The following DMD variants were observed in gnomAD, a reference collection of about 807,000 sequenced individuals.
The protein encoded by DMD is dystrophin, also known as mutant dystrophin.
In DMD, 63 loss-of-function variants were observed where a neutral mutation model predicts 330.1. The ratio of observed to expected loss-of-function variants is 0.19; its 90% CI spans 0.16 to 0.24. The LOEUF is 0.24. Among genes scored for constraint, DMD ranks in the 10% least tolerant of loss-of-function variants. The pLI, the probability that DMD is intolerant of heterozygous loss-of-function variation, is 1.00. For missense variants in DMD, 3,344 were observed against 2,684.1 expected (o/e 1.25, Z -5.43); for synonymous variants, 1,223 against 959.8 (o/e 1.27, Z -5.07).
chrX:32,018,406 C>G (rs539437166), intron 44 of DMD, among the ~76,000 whole-genome samples: 2 of 111,256 alleles, frequency 1.8e-5, no homozygotes, highest in African/African-American at 6.5e-5. Context: ...ATATACCACC[C>G]GTGTTCTTTG....
At chrX:32,682,800 T>C (rs780760142) in intron 9 of DMD, among the ~76,000 whole-genome samples, 10 of 112,002 alleles carry the variant, frequency 8.9e-5, no homozygotes, top group Non-Finnish European at 1.7e-4. Flanking sequence ...TAACTAGTTG[T>C]GCTCGTGAGT....
At chrX:32,037,532 C>G (rs1234468843) in intron 44 of DMD, among the ~76,000 whole-genome samples, 3 of 111,452 alleles carry the variant, frequency 2.7e-5, no homozygotes, top group African/African-American at 9.8e-5. Context: ...CAATAATTTT[C>G]AGTTATAGCC....
intron 7 of DMD, among the ~76,000 whole-genome samples, chrX:32,716,344 C>T (rs997536438): frequency 7.3e-5 from 8 of 110,322 alleles, no homozygotes; most frequent in East Asian, 5.8e-4. Flanking sequence ...GTGTGTAGTA[C>T]TGCCCCCTGC....
intron 55 of DMD, among the ~76,000 whole-genome samples, chrX:31,565,235 A>T (rs1215204089): frequency 1.8e-5 from 2 of 111,405 alleles, no homozygotes; most frequent in Non-Finnish European, 3.8e-5. Flanking sequence ...AACAGTTCCA[A>T]CACTACAAGG....
chrX:31,838,128 T>A (rs1382579597), intron 48 of DMD, among the ~76,000 whole-genome samples: 1 of 111,836 alleles, frequency 8.9e-6, no homozygotes, highest in Non-Finnish European at 1.9e-5. Flanking sequence ...ATAGCTCTGA[T>A]CTCAGATGAG....
At chrX:32,731,851 G>A (rs144046785) in intron 7 of DMD, among the ~76,000 whole-genome samples, 1 of 112,017 alleles carries the variant, frequency 8.9e-6, no homozygotes, top group Admixed American at 9.5e-5. Context: ...AAAAAGCAGA[G>A]CACCTCTCCT....
chrX:32,546,571 G>A (rs987970822), intron 16 of DMD, among the ~76,000 whole-genome samples: 1 of 111,427 alleles, frequency 9.0e-6, no homozygotes, highest in African/African-American at 3.3e-5. Flanking sequence ...TTTCCATGAT[G>A]TCTTAAGTAA....
intron 1 of DMD, among the ~76,000 whole-genome samples, chrX:33,082,343 C>G (rs1023999583): frequency 8.9e-6 from 1 of 112,042 alleles, no homozygotes; most frequent in Admixed American, 9.5e-5. Flanking sequence ...CAAAGGAAAC[C>G]TCCTAGGTGC....
intron 7 of DMD, among the ~76,000 whole-genome samples, chrX:32,787,050 G>A (rs183955389): frequency 6.3e-5 from 7 of 111,416 alleles, no homozygotes; most frequent in African/African-American, 9.8e-5. Context: ...GTCATATGAC[G>A]TAATGACTAC....
At chrX:32,653,214 T>C (rs935500995) in intron 9 of DMD, among the ~76,000 whole-genome samples, 5 of 112,312 alleles carry the variant, frequency 4.5e-5, no homozygotes, top group African/African-American at 1.6e-4. Context: ...TTTGGTGTTT[T>C]GGACATGAAG....
chrX:32,156,955 C>T (rs1190592963), intron 44 of DMD, among the ~76,000 whole-genome samples: 3 of 111,799 alleles, frequency 2.7e-5, no homozygotes, highest in Middle Eastern at 4.6e-3. Context: ...CTCCGCCAAG[C>T]GCCTATTTAC....
At chrX:31,529,962 T>C (rs2073594742) in intron 55 of DMD, among the ~76,000 whole-genome samples, 2 of 110,754 alleles carry the variant, frequency 1.8e-5, no homozygotes, top group Non-Finnish European at 3.8e-5. Flanking sequence ...ATCTGCCATA[T>C]CCCTCTTAGC....
chrX:32,878,006 G>A (rs775769818), intron 2 of DMD, among the ~76,000 whole-genome samples: 6 of 112,016 alleles, frequency 5.4e-5, no homozygotes, highest in Non-Finnish European at 1.1e-4. Context: ...CTCCACATGG[G>A]CTTTACCAAA....
intron 57 of DMD, among the ~76,000 whole-genome samples, chrX:31,484,943 G>T (rs2068676456): frequency 8.9e-6 from 1 of 112,194 alleles, no homozygotes; most frequent in Non-Finnish European, 1.9e-5. Context: ...TTTCATCCAT[G>T]CAAATTGAGA....
intron 55 of DMD, among the ~76,000 whole-genome samples, chrX:31,612,603 G>A (rs927384988): frequency 3.6e-5 from 4 of 111,650 alleles, no homozygotes; most frequent in African/African-American, 1.3e-4. Flanking sequence ...TTAAGGCTGC[G>A]CTGTGCTCAG....
intron 7 of DMD, among the ~76,000 whole-genome samples, chrX:32,777,285 G>GGGGGGGTTGGGGGGGGGGGA (rs2074274945): frequency 1.9e-5 from 1 of 52,754 alleles, no homozygotes; most frequent in Non-Finnish European, 3.6e-5. Flanking sequence ...GTTGGGGGGG[G>GGGGGGGTTGGGGGGGGGGGA]AATCCTACCA....
chrX:32,057,989 T>C (rs932439865), intron 44 of DMD, among the ~76,000 whole-genome samples: 4 of 111,329 alleles, frequency 3.6e-5, no homozygotes, highest in Non-Finnish European at 7.6e-5. Context: ...GGATATCCTC[T>C]TCAACCAATG....
At chrX:31,155,809 C>A (rs1047661491) in intron 74 of DMD, among the ~76,000 whole-genome samples, 1 of 109,815 alleles carries the variant, frequency 9.1e-6, no homozygotes, top group African/African-American at 3.3e-5. Flanking sequence ...GGGAGACACC[C>A]CCACCATCTT....
intron 1 of DMD, among the ~76,000 whole-genome samples, chrX:33,079,043 T>C (rs1019445871): frequency 8.9e-6 from 1 of 111,809 alleles, no homozygotes; most frequent in Admixed American, 9.5e-5. Context: ...AAACCATTTT[T>C]TTTTGAGACA....
Sources: allele counts gnomAD v4.1 joint callset (sites outside exome capture counted in the v4.1 genomes callset), GRCh38; gene constraint gnomAD v4.1.1; transcripts MANE v1.5; gene names NCBI Gene and HGNC (gene_info 2026-07-23, HGNC 2026-07-21).